YJU2B: variants seen among roughly 807,000 people sequenced by gnomAD.
YJU2B encodes YJU2 splicing factor homolog B, also known as probable splicing factor YJU2B.
In YJU2B, 18 loss-of-function variants were observed where a neutral mutation model predicts 38.0. That is an observed-to-expected ratio of 0.47 (90% CI 0.33 to 0.70). The LOEUF (loss-of-function observed/expected upper bound fraction) is 0.70, where lower values mean the gene tolerates loss of function less well. YJU2B is among the 30% of genes least tolerant of loss of function. The pLI is 0.02. For missense variants in YJU2B, 538 were observed against 556.3 expected, an observed-to-expected ratio of 0.97 and a Z score of 0.33; for synonymous variants, 246 against 225.4, an observed-to-expected ratio of 1.09 and a Z score of -0.82.
rs537857651 is a variant in YJU2B, at chr19:13,749,405, A to G, written c.-202+1451A>G. 5.3e-4 allele frequency among the ~76,000 whole-genome samples: 81 copies of G among 152,350 alleles called. 1 individual carries two copies. The South Asian group carries it at 0.015, about 28-fold the overall frequency. ...GAAATTCAAATTTCTGTGTCCATCA[A>G]TAAAATTTATATTGGCATGCAGCTA... On this transcript the variant is annotated intron_variant, in intron 1 of 9. Transcript: ENST00000221554.
chr19:13,752,072 G>GGCTCACT (rs1443855703), intron 2 of YJU2B, among the ~76,000 whole-genome samples: 1 of 151,872 alleles, frequency 6.6e-6, no homozygotes, highest in Non-Finnish European at 1.5e-5. Flanking sequence ...GCACGCTCTC[G>GGCTCACT]GCTCACTGCA....
chr19:13,763,147 C>G lies in YJU2B; in HGVS notation c.*79C>G. 1 of 1,246,104 alleles carries G rather than the reference C, an allele frequency of 8.0e-7. No individual in the cohort carries two copies. Among genetic ancestry groups the G allele is most frequent in the Non-Finnish European group, 1.1e-6 (1 of 905,142 alleles). 77.2% of individuals were successfully genotyped at this position (1,246,104 alleles called of 1,614,324 possible). ...AGGCCCCTCACAGACTGCAGACCCC[C>G]GGCTCGCCCACCAGCCCTGGGAGAG... On this transcript the variant is annotated 3_prime_UTR_variant, in exon 10 of 10. Coordinates refer to ENST00000221554, the MANE Select transcript of YJU2B (RefSeq NM_030818.4).
In YJU2B at chr19:13,751,628, C is replaced by A; in HGVS notation, c.-181C>A. ...AACAGACACGCCGCTTTTTGGATGC[C>A]TCCTATGCCTGGCGGGAGTCTTGTC... is the stretch of plus-strand genomic sequence containing the variant. On this transcript the variant is annotated 5_prime_UTR_variant, in exon 2 of 10. Transcript: ENST00000221554. 1 of 624,992 alleles carries A rather than the reference C, an allele frequency of 1.6e-6. No homozygotes were observed. The highest frequency in any genetic ancestry group is 2.9e-6 in the Non-Finnish European group (1 of 341,954). The allele number at this position is 624,992 out of a possible 1,614,324, so 38.7% of individuals were successfully genotyped here. A position where few individuals can be genotyped will look rare whatever the true frequency, so the allele number is the denominator to read the frequency against.
Position 13,762,891 on chromosome 19 carries a change from G to T in YJU2B, c.1014G>T (p.Pro338=), listed in dbSNP as rs146781419. 2 of 1,611,462 alleles carry T rather than the reference G, an allele frequency of 1.2e-6. No homozygotes were observed. Among genetic ancestry groups the T allele is most frequent in the South Asian group, 2.2e-5 (2 of 90,892 alleles). ...CCATGTCCCCCGGAGACTGTCCTCC[G>T]GAAACAACTGAGACCCCCAAGTGCA... The part of the protein sequence containing the change: ...DRPMSPGDCP[P]ETTETPKCSS... Residue 338 remains proline, a synonymous_variant, in exon 10 of 10, where the codon CCG becomes CCT. Transcript: ENST00000221554.
In YJU2B at chr19:13,757,573, A is replaced by T. The variant is rs1040845850; in HGVS notation, c.196+100A>T. On this transcript the variant is annotated intron_variant, in intron 5 of 9. Coordinates refer to ENST00000221554, the MANE Select transcript of YJU2B (RefSeq NM_030818.4). ...GGTGGGAGGGTCCTGATCAGGAATG[A>T]GGGAGGAGACGGGCACCCGAGTGAC... 5.7e-6 allele frequency: 7 copies of T among 1,221,842 alleles called. No individual in the cohort carries two copies. The African/African-American group carries it at 8.9e-5, about 16-fold the overall frequency. The allele number at this position is 1,221,842 out of a possible 1,614,324, so 75.7% of individuals were successfully genotyped here.
intron 6 of YJU2B, among the ~76,000 whole-genome samples, 176 bp from the exon 7 acceptor site, chr19:13,758,692 C>T (rs949560326): frequency 1.7e-4 from 26 of 152,234 alleles, no homozygotes; most frequent in African/African-American, 6.0e-4. Flanking sequence ...ACAGAAGGTC[C>T]GTTCTGGGTG....
At chr19:13,759,617 A>C in intron 8 of YJU2B, 1 of 164,828 alleles carries the variant, frequency 6.1e-6, no homozygotes, top group Non-Finnish European at 1.3e-5. Context: ...TAAATAAATA[A>C]TAGAAATTAA....
At chr19:13,754,196 AT>A in intron 2 of YJU2B, 92 bp from the exon 3 acceptor site, 1 of 992,184 alleles carries the variant, frequency 1.0e-6, no homozygotes, top group Non-Finnish European at 1.6e-6. Flanking sequence ...AAAATAAAAA[AT>A]CAGAAAAAAT....
At position 13,757,172 on chromosome 19, in the gene YJU2B, C is replaced by T. The variant is rs143136513; in HGVS notation, c.141-246C>T. Reference sequence around the variant, plus strand: ...AAAAAGTCGCAGCAGCACCCAAAGGCGGCTGTCCCTGGACCTGGTCAGTCT... The same window carrying T: ...AAAAAGTCGCAGCAGCACCCAAAGGTGGCTGTCCCTGGACCTGGTCAGTCT... On this transcript the variant is annotated intron_variant, in intron 4 of 9. Transcript: ENST00000221554. Among the ~76,000 whole-genome samples, 26 of 152,122 alleles carry T rather than the reference C, an allele frequency of 1.7e-4. No homozygotes were observed. The East Asian group carries it at 4.6e-3, about 27-fold the overall frequency.
chr19:13,753,221 C>T (rs965684494), intron 2 of YJU2B, among the ~76,000 whole-genome samples: 3 of 152,150 alleles, frequency 2.0e-5, no homozygotes, highest in African/African-American at 4.8e-5. Flanking sequence ...CCTGAGGCTG[C>T]ACAAGTAGGT....
chr19:13,762,545 A>C (rs781451507), intron 9 of YJU2B, 45 bp from the exon 10 acceptor site: 11 of 1,536,090 alleles, frequency 7.2e-6, no homozygotes, highest in Non-Finnish European at 2.6e-6. Flanking sequence ...GCAGTTCTGG[A>C]CCCCCTCCCC....
At chr19:13,760,598 T>A (rs921269825) in intron 8 of YJU2B, among the ~76,000 whole-genome samples, 5 of 150,690 alleles carry the variant, frequency 3.3e-5, no homozygotes, top group East Asian at 3.9e-4. Context: ...TATTTATTTA[T>A]TTTTTTTCTT....
intron 2 of YJU2B, among the ~76,000 whole-genome samples, chr19:13,741,221 C>G (rs1973086851): frequency 7.1e-6 from 1 of 139,878 alleles, no homozygotes; most frequent in Non-Finnish European, 1.5e-5. Context: ...ATGGCGTGAT[C>G]TCAGCTCACT....
At chr19:13,740,008 G>A (rs1053300404) in intron 2 of YJU2B, among the ~76,000 whole-genome samples, 4 of 152,010 alleles carry the variant, frequency 2.6e-5, no homozygotes, top group African/African-American at 4.8e-5. Context: ...TTTGGTTTCT[G>A]TATGTTTACT....
upstream of YJU2B, among the ~76,000 whole-genome samples, chr19:13,744,964 G>A (rs1454563283): frequency 6.7e-6 from 1 of 149,928 alleles, no homozygotes; most frequent in Non-Finnish European, 1.5e-5. Context: ...CTGCACTCCA[G>A]CCCAGGCAAC....
chr19:13,738,374 T>A (rs1468760254), intron 2 of YJU2B, among the ~76,000 whole-genome samples: 1 of 152,226 alleles, frequency 6.6e-6, no homozygotes, highest in East Asian at 1.9e-4. Flanking sequence ...CTTCTGATTC[T>A]TGGTATCCAT....
intron 3 of YJU2B, among the ~76,000 whole-genome samples, chr19:13,755,591 A>G (rs442573): frequency 0.43 from 64,637 of 151,928 alleles, 14,995 homozygotes; most frequent in African/African-American, 0.62. Flanking sequence ...TTGACAGACA[A>G]GGGAAACAGA....
chr19:13,743,823 G>T (rs886310986), upstream of YJU2B, among the ~76,000 whole-genome samples: 1 of 151,398 alleles, frequency 6.6e-6, no homozygotes, highest in Non-Finnish European at 1.5e-5. Flanking sequence ...AACCTGGGAG[G>T]TTGAGGTTGC....
intron 1 of YJU2B, among the ~76,000 whole-genome samples, chr19:13,748,629 T>TG (rs1266450052): frequency 1.3e-5 from 2 of 152,132 alleles, no homozygotes; most frequent in African/African-American, 4.8e-5. Context: ...GCTCTTCCCG[T>TG]GGGTTAGTTG....
Sources: allele counts gnomAD v4.1 joint callset (sites outside exome capture counted in the v4.1 genomes callset), GRCh38; gene constraint gnomAD v4.1.1; transcripts MANE v1.5; gene names NCBI Gene and HGNC (gene_info 2026-07-23, HGNC 2026-07-21).